The following SDK1 variants were observed in gnomAD, a reference collection of about 807,000 sequenced individuals.
The protein encoded by SDK1 is sidekick cell adhesion molecule 1.
A neutral mutation model predicts 245.5 loss-of-function variants in SDK1; 157 were observed. The observed-to-expected ratio is 0.64, with a 90% CI of 0.56 to 0.73. The LOEUF is 0.73. Ranked by LOEUF, SDK1 falls within the 30% of genes least tolerant of loss-of-function variation. SDK1 has a pLI of 0.00. For synonymous variants in SDK1, 1,647 were observed against 1,278.5 expected, an observed-to-expected ratio of 1.29 and a Z score of -6.15; for missense variants, 3,583 against 3,002.3, an observed-to-expected ratio of 1.19 and a Z score of -4.52.
chr7:3,902,009 A>G (rs1781806950), intron 5 of SDK1, among the ~76,000 whole-genome samples: 1 of 152,114 alleles, frequency 6.6e-6, no homozygotes, highest in Non-Finnish European at 1.5e-5. Context: ...ACTTTCTAGC[A>G]CAACAAGCTG....
intron 25 of SDK1, among the ~76,000 whole-genome samples, chr7:4,119,440 G>A (rs1427938778): frequency 6.7e-6 from 1 of 148,356 alleles, no homozygotes; most frequent in African/African-American, 2.5e-5. Context: ...GGGTGGCAGA[G>A]CAAGACCCTG....
intron 42 of SDK1, 57 bp downstream of exon 42, chr7:4,237,841 C>T (rs547105744): frequency 3.8e-6 from 6 of 1,593,394 alleles, no homozygotes; most frequent in South Asian, 2.2e-5. Context: ...CAAAACATAG[C>T]GTTCGTTCTC....
Position 3,319,878 on chromosome 7 carries a change from C to CTTTTTTTTTTTTTTTTTTT in SDK1, c.298+18011_298+18012insTTTTTTTTTTTTTTTTTTT, listed in dbSNP as rs57770805. Reference sequence around the variant, plus strand: ...TGCCTATATCTAACCCATTCTTAGTCTTTTTTTTTTTTTTTTTGCATTTGC... The same window carrying CTTTTTTTTTTTTTTTTTTT: ...TGCCTATATCTAACCCATTCTTAGTCTTTTTTTTTTTTTTTTTTTTTTTTTTTTTTTTTTTTGCATTTGC... On this transcript the variant is annotated intron_variant, in intron 1 of 44. Transcript: ENST00000404826. 5.1e-4 allele frequency among the ~76,000 whole-genome samples: 45 copies of CTTTTTTTTTTTTTTTTTTT among 88,122 alleles called. 2 individuals carry two copies. The highest frequency in any genetic ancestry group is 1.0e-3 in the African/African-American group (22 of 21,742). 57.8% of individuals were successfully genotyped at this position (88,122 alleles called of 152,430 possible).
chr7:3,798,506 T>C (rs113850185), intron 4 of SDK1, among the ~76,000 whole-genome samples: 10,255 of 152,168 alleles, frequency 0.067, 1,122 homozygotes, highest in African/African-American at 0.23. Flanking sequence ...TGTGAACCAC[T>C]GCACCCAGCC....
chr7:3,410,398 T>G (rs1486825670), intron 1 of SDK1, among the ~76,000 whole-genome samples: 1 of 152,124 alleles, frequency 6.6e-6, no homozygotes, highest in African/African-American at 2.4e-5. Flanking sequence ...TACCGCATTA[T>G]GTATATGCAA....
At chr7:4,173,393 G>A (rs527412415) in intron 32 of SDK1, among the ~76,000 whole-genome samples, 39 of 152,282 alleles carry the variant, frequency 2.6e-4, no homozygotes, top group South Asian at 4.2e-4. Context: ...AACAGAAACC[G>A]ACTGAAGGAA....
intron 12 of SDK1, among the ~76,000 whole-genome samples, chr7:3,972,520 C>T (rs571203446): frequency 6.6e-6 from 1 of 152,162 alleles, no homozygotes; most frequent in Non-Finnish European, 1.5e-5. Context: ...GAAGAGCAGC[C>T]ACCTTCAGGA....
At chr7:3,810,445 A>G (rs1328507907) in intron 4 of SDK1, among the ~76,000 whole-genome samples, 2 of 152,148 alleles carry the variant, frequency 1.3e-5, no homozygotes, top group African/African-American at 4.8e-5. Flanking sequence ...GTTCCTCTGC[A>G]TATGACCACA....
intron 1 of SDK1, among the ~76,000 whole-genome samples, chr7:3,614,330 C>T (rs948902991): frequency 2.2e-4 from 33 of 152,100 alleles, no homozygotes; most frequent in African/African-American, 7.7e-4. Context: ...TTCTAATGTT[C>T]GTTGTTAGAA....
intron 1 of SDK1, among the ~76,000 whole-genome samples, chr7:3,613,256 C>G (rs1318329665): frequency 6.6e-6 from 1 of 152,142 alleles, no homozygotes; most frequent in East Asian, 1.9e-4. Context: ...CAGCTGCTGC[C>G]CATGTGAATG....
intron 1 of SDK1, among the ~76,000 whole-genome samples, chr7:3,515,398 C>T (rs537628255): frequency 2.0e-5 from 3 of 152,270 alleles, no homozygotes; most frequent in South Asian, 2.1e-4. Flanking sequence ...AAGCACAGGT[C>T]CATGTGATAG....
intron 17 of SDK1, among the ~76,000 whole-genome samples, chr7:4,025,455 AC>A (rs1446565132): frequency 6.6e-6 from 1 of 152,066 alleles, no homozygotes; most frequent in Non-Finnish European, 1.5e-5. Flanking sequence ...GGTGCAGATC[AC>A]CTCTGTGCAC....
At chr7:3,502,531 G>A (rs1179917531) in intron 1 of SDK1, among the ~76,000 whole-genome samples, 2 of 152,184 alleles carry the variant, frequency 1.3e-5, no homozygotes, top group Admixed American at 1.3e-4. Context: ...TTACAGGCGT[G>A]AACCGCCATT....
At chr7:4,260,897 G>A (rs188427300) in intron 44 of SDK1, among the ~76,000 whole-genome samples, 149 of 148,102 alleles carry the variant, frequency 1.0e-3, no homozygotes, top group Middle Eastern at 3.5e-3. Context: ...CCGGGGTCTC[G>A]GTGTGTGTGG....
intron 1 of SDK1, among the ~76,000 whole-genome samples, chr7:3,591,885 A>G (rs1178466932): frequency 6.6e-6 from 1 of 152,238 alleles, no homozygotes; most frequent in Non-Finnish European, 1.5e-5. Flanking sequence ...GATACAGGGA[A>G]CCTGGGGTGG....
intron 40 of SDK1, among the ~76,000 whole-genome samples, chr7:4,231,187 G>A (rs531810269): frequency 3.9e-5 from 6 of 152,300 alleles, no homozygotes; most frequent in African/African-American, 1.2e-4. Flanking sequence ...GGAGAAAGAA[G>A]GTAGGCTTAG....
Position 3,713,249 on chromosome 7 carries a change from T to C in SDK1, c.713+71144T>C, listed in dbSNP as rs142220819. 5.8e-4 allele frequency among the ~76,000 whole-genome samples: 88 copies of C among 152,340 alleles called. 2 individuals carry two copies. Among genetic ancestry groups the C allele is most frequent in the Middle Eastern group, 6.8e-3 (2 of 294 alleles). ...TCCTTTGTTAGGATAAGAAGGATAA[T>C]GATCTTTCTCCTTCCAAGTCGTCTG... On this transcript the variant is annotated intron_variant, in intron 4 of 44. Coordinates refer to ENST00000404826, the MANE Select transcript of SDK1 (RefSeq NM_152744.4).
rs574634153 is a variant in SDK1, at chr7:3,757,307, C to G, written c.714-64143C>G. On this transcript the variant is annotated intron_variant, in intron 4 of 44. Transcript: ENST00000404826. ...ACTTCCTTTTTTTGAGACAAGGTCT[C>G]TCTCTGTCACTCAACTCCTGGTCTC... 2.6e-5 allele frequency among the ~76,000 whole-genome samples: 4 copies of G among 152,254 alleles called. No homozygotes were observed. In the South Asian group the frequency reaches 6.2e-4, roughly 24 times the overall value.
intron 1 of SDK1, among the ~76,000 whole-genome samples, chr7:3,418,757 C>T (rs1174256310): frequency 2.0e-5 from 3 of 152,172 alleles, no homozygotes. Context: ...TGAAAATTAA[C>T]AATAATTACA....
Sources: gnomAD v4.1 joint callset for allele counts (sites outside exome capture counted in the v4.1 genomes callset) on GRCh38, gnomAD v4.1.1 for gene constraint, MANE v1.5 for transcripts, NCBI Gene and HGNC (gene_info 2026-07-23, HGNC 2026-07-21) for gene names.